EXOC2: variants seen among roughly 807,000 people sequenced by gnomAD.
EXOC2 encodes the protein SEC5-like 1.
In EXOC2, 70 loss-of-function variants were observed where a neutral mutation model predicts 131.8. That is an observed-to-expected ratio of 0.53 (90% CI 0.44 to 0.65). EXOC2 has a LOEUF of 0.65. EXOC2 is among the 30% of genes least tolerant of loss of function. EXOC2 has a pLI of 0.00. For missense variants in EXOC2, 923 were observed against 1,108.6 expected (o/e 0.83, Z 2.38); for synonymous variants, 411 against 398.4 (o/e 1.03, Z -0.38).
intron 2 of EXOC2, among the ~76,000 whole-genome samples, chr6:633,812 GT>G (rs1254207825): frequency 6.6e-6 from 1 of 152,046 alleles, no homozygotes; most frequent in Non-Finnish European, 1.5e-5. Context: ...CTCCCAGAAG[GT>G]CAACTCATGA....
intron 1 of EXOC2, among the ~76,000 whole-genome samples, chr6:645,454 ATCT>A (rs1294436644): frequency 6.6e-6 from 1 of 152,218 alleles, no homozygotes; most frequent in African/African-American, 2.4e-5. Context: ...CCAAATTAAA[ATCT>A]TCTGCTTATC....
rs1013424089 is a variant in EXOC2, at chr6:486,852, C to G, written c.2682-88G>C. On this transcript the variant is annotated intron_variant, in intron 27 of 27. Transcript: ENST00000230449. ...ACACCAGGGGAGCCAGTGCCCGGCT[C>G]TGCCTGGGCTTGCTGTGTGGAGAAG... 1.1e-5 allele frequency: 11 copies of G among 975,716 alleles called. No individual in the cohort carries two copies. In the Admixed American group the frequency reaches 1.6e-4, roughly 14 times the overall value. 60.4% of individuals were successfully genotyped at this position (975,716 alleles called of 1,614,324 possible).
chr6:567,937 G>A lies in EXOC2; in HGVS notation c.1444-3008C>T, dbSNP rs998162525. Among the ~76,000 whole-genome samples the A allele has an allele frequency of 3.9e-5, 6 of 152,190 alleles. 1 individual carries two copies. The highest frequency in any genetic ancestry group is 3.3e-4 in the Admixed American group (5 of 15,280). ...ACCTAACATGCCCAATTCTTCTCCC[G>A]GAGATGTCAGATGTCAGCAAATGGG... is the stretch of plus-strand genomic sequence containing the variant. On this transcript the variant is annotated intron_variant, in intron 13 of 27. Transcript: ENST00000230449.
chr6:549,484 G>C (rs1033088820), intron 21 of EXOC2, among the ~76,000 whole-genome samples, 193 bp from the exon 22 acceptor site: 3 of 152,078 alleles, frequency 2.0e-5, no homozygotes, highest in Non-Finnish European at 4.4e-5. Context: ...TCTACTATTT[G>C]CTTATAATTA....
chr6:656,720 G>C (rs1456200760), intron 1 of EXOC2: 1 of 1,596,650 alleles, frequency 6.3e-7, no homozygotes, highest in African/African-American at 1.3e-5. Flanking sequence ...GGATCTCATC[G>C]AGATCTTCCG....
At chr6:500,269 A>C (rs1306805726) in intron 23 of EXOC2, among the ~76,000 whole-genome samples, 1 of 152,214 alleles carries the variant, frequency 6.6e-6, no homozygotes, top group Non-Finnish European at 1.5e-5. Context: ...TTTTAGGAGA[A>C]ACTCCTTATA....
chr6:614,717 G>C (rs1028318751), intron 6 of EXOC2, among the ~76,000 whole-genome samples: 2 of 152,234 alleles, frequency 1.3e-5, no homozygotes, highest in South Asian at 4.2e-4. Flanking sequence ...AGATTTGTCT[G>C]TCATGTTTAA....
At chr6:687,168 A>ATTT (rs1292769233) in intron 1 of EXOC2, among the ~76,000 whole-genome samples, 2 of 40,698 alleles carry the variant, frequency 4.9e-5, no homozygotes, top group Admixed American at 3.2e-4. Context: ...ATCAAATAAT[A>ATTT]TTCTTTTTTT....
chr6:685,541 A>T (rs1202732139), intron 1 of EXOC2, among the ~76,000 whole-genome samples: 2 of 152,148 alleles, frequency 1.3e-5, no homozygotes, highest in Non-Finnish European at 2.9e-5. Context: ...CAGACTCCAC[A>T]CTTCCTGAGT....
At chr6:553,547 T>C (rs1044777388) in intron 21 of EXOC2, among the ~76,000 whole-genome samples, 1 of 151,930 alleles carries the variant, frequency 6.6e-6, no homozygotes, top group African/African-American at 2.4e-5. Context: ...CTCTGCCTGC[T>C]CCCCAACCCA....
At chr6:535,837 T>C (rs1468607862) in intron 22 of EXOC2, among the ~76,000 whole-genome samples, 1 of 152,148 alleles carries the variant, frequency 6.6e-6, no homozygotes, top group African/African-American at 2.4e-5. Context: ...GAGCAAGATA[T>C]TGTAAGAAAA....
At chr6:489,916 G>A (rs373834748) in intron 26 of EXOC2, among the ~76,000 whole-genome samples, 7 of 152,300 alleles carry the variant, frequency 4.6e-5, no homozygotes, top group African/African-American at 9.6e-5. Flanking sequence ...CATAAAACCC[G>A]GTGCTGGGCA....
At chr6:664,428 G>C (rs1390571249) in intron 1 of EXOC2, among the ~76,000 whole-genome samples, 1 of 152,058 alleles carries the variant, frequency 6.6e-6, no homozygotes, top group East Asian at 1.9e-4. Context: ...CACAAAATTA[G>C]AAAAAGCAAT....
At position 529,116 on chromosome 6, in the gene EXOC2, A is replaced by ACCC. The variant is rs11458521; in HGVS notation, c.2380+3350_2380+3352dup. ...GTTAGCCCGGCATCGCCTGCCTTTT[A>ACCC]CCCCCCCCCGCGCCCTGGTTACTGC... On this transcript the variant is annotated intron_variant, in intron 23 of 27. Coordinates refer to ENST00000230449, the MANE Select transcript of EXOC2 (RefSeq NM_018303.6). 1.7e-4 allele frequency among the ~76,000 whole-genome samples: 23 copies of ACCC among 134,582 alleles called. 2 individuals carry two copies. The highest frequency in any genetic ancestry group is 3.2e-4 in the Non-Finnish European group (19 of 59,222). 88.3% of individuals were successfully genotyped at this position (134,582 alleles called of 152,430 possible).
chr6:595,785 G>A (rs1228856787), intron 10 of EXOC2, among the ~76,000 whole-genome samples: 5 of 152,064 alleles, frequency 3.3e-5, no homozygotes, highest in Admixed American at 6.5e-5. Flanking sequence ...CAGGACGTCT[G>A]AGGCTACCCA....
chr6:572,025 AAAAACT>A (rs1758308344), intron 13 of EXOC2, among the ~76,000 whole-genome samples: 1 of 152,234 alleles, frequency 6.6e-6, no homozygotes, highest in Non-Finnish European at 1.5e-5. Flanking sequence ...ACGGGCTCAT[AAAAACT>A]TCTGTAAGCT....
In EXOC2 at chr6:576,834, C is replaced by T. The variant is rs145867129; in HGVS notation, c.1241G>A (p.Arg414His). The T allele has an allele frequency of 3.0e-5, 48 of 1,613,906 alleles. No homozygotes were observed. The highest frequency in any genetic ancestry group is 3.7e-5 in the Non-Finnish European group (44 of 1,180,004). ...SPMLDLDNDT[R>H]PSVLGHLSQT... ...ACTGAGATGGCCCAACACTGAGGGA[C>T]GTGTATCATTATCAAGATCCAACAT... The change falls in exon 12 of 28, where the codon CGT becomes CAT. Residue 414 changes from arginine (R) to histidine (H), a missense_variant. Transcript: ENST00000230449.
intron 23 of EXOC2, among the ~76,000 whole-genome samples, chr6:510,731 A>C (rs549936490): frequency 1.3e-5 from 2 of 152,250 alleles, no homozygotes; most frequent in Non-Finnish European, 2.9e-5. Context: ...TACGTTTCAC[A>C]AACTTGATAC....
At chr6:647,530 T>C (rs962740968) in intron 1 of EXOC2, among the ~76,000 whole-genome samples, 1 of 143,978 alleles carries the variant, frequency 6.9e-6, no homozygotes, top group Non-Finnish European at 1.5e-5. Flanking sequence ...ACCAGATTCC[T>C]GGTGACCGGA....
Sources: allele counts gnomAD v4.1 joint callset (sites outside exome capture counted in the v4.1 genomes callset), GRCh38; gene constraint gnomAD v4.1.1; transcripts MANE v1.5; gene names NCBI Gene and HGNC (gene_info 2026-07-23, HGNC 2026-07-21).